SYNPO2: variants seen among roughly 807,000 people sequenced by gnomAD.
The protein encoded by SYNPO2 is synaptopodin-2.
Under a neutral mutation model 85.0 loss-of-function variants are expected in SYNPO2, and 56 were observed. That is an observed-to-expected ratio of 0.66 (90% CI 0.53 to 0.82). The LOEUF is 0.82. Among genes scored for constraint, SYNPO2 ranks in the 40% least tolerant of loss-of-function variants. The probability of loss-of-function intolerance (pLI) is 0.00; values close to 1 mark genes in which losing one functional copy is unlikely to be tolerated. For missense variants in SYNPO2, 1,575 were observed against 1,534.2 expected (o/e 1.03, Z -0.44); for synonymous variants, 602 against 591.1 (o/e 1.02, Z -0.27).
intron 1 of SYNPO2, among the ~76,000 whole-genome samples, chr4:118,899,800 C>A (rs1732659602): frequency 6.6e-6 from 1 of 152,170 alleles, no homozygotes; most frequent in Non-Finnish European, 1.5e-5. Context: ...TCGCTCTTGT[C>A]ACCCAACCTG....
chr4:118,969,471 A>G (rs1056457173), intron 1 of SYNPO2, among the ~76,000 whole-genome samples: 8 of 152,186 alleles, frequency 5.3e-5, no homozygotes, highest in Non-Finnish European at 1.0e-4. Flanking sequence ...CAGTGCTTTC[A>G]CTGCCCTCTG....
At position 119,030,818 on chromosome 4, in the gene SYNPO2, A is replaced by G. The variant is rs759399788; in HGVS notation, c.2043A>G (p.Thr681=). 7 of 1,614,056 alleles carry G rather than the reference A, an allele frequency of 4.3e-6. No homozygotes were observed. Among genetic ancestry groups the G allele is most frequent in the Non-Finnish European group, 5.9e-6 (7 of 1,180,044 alleles). The part of the protein sequence containing the change: ...DERISVPAKR[T]GILQEAKRRS... ...GGATCTCAGTGCCAGCAAAAAGAACAGGAATATTGCAGGAGGCCAAAAGGA... is the reference window on the plus strand; with the variant it reads ...GGATCTCAGTGCCAGCAAAAAGAACGGGAATATTGCAGGAGGCCAAAAGGA... The change falls in exon 4 of 5, where the codon ACA becomes ACG. Residue 681 remains threonine (T), a synonymous_variant. Coordinates refer to ENST00000307142, the MANE Select transcript of SYNPO2 (RefSeq NM_133477.3).
intron 1 of SYNPO2, among the ~76,000 whole-genome samples, chr4:118,986,617 A>G (rs1308562053): frequency 6.6e-6 from 1 of 152,202 alleles, no homozygotes; most frequent in African/African-American, 2.4e-5. Context: ...CATTTCCACT[A>G]TATCTAGTCT....
intron 1 of SYNPO2, among the ~76,000 whole-genome samples, chr4:118,918,736 C>T (rs1018621209): frequency 2.6e-5 from 4 of 152,146 alleles, no homozygotes; most frequent in Non-Finnish European, 4.4e-5. Flanking sequence ...TTAAAAACAA[C>T]TTAGTCCAAA....
chr4:118,916,381 C>G (rs1444300556), intron 1 of SYNPO2, among the ~76,000 whole-genome samples: 1 of 151,958 alleles, frequency 6.6e-6, no homozygotes, highest in Non-Finnish European at 1.5e-5. Context: ...CCATGTTGGC[C>G]AGGCTGGTCT....
intron 1 of SYNPO2, among the ~76,000 whole-genome samples, chr4:118,896,794 T>A (rs11943425): frequency 0.63 from 95,691 of 152,010 alleles, 30,452 homozygotes; most frequent in South Asian, 0.74. Flanking sequence ...GAACAGCAAA[T>A]TGTGGTGGAA....
chr4:119,019,087 G>A (rs1393182628), intron 1 of SYNPO2, among the ~76,000 whole-genome samples: 1 of 152,096 alleles, frequency 6.6e-6, no homozygotes, highest in Non-Finnish European at 1.5e-5. Flanking sequence ...GGAGGGAGAA[G>A]AGCAGAAAAG....
At chr4:118,867,093 C>T (rs1339749058) in intron 1 of SYNPO2, among the ~76,000 whole-genome samples, 1 of 151,890 alleles carries the variant, frequency 6.6e-6, no homozygotes, top group Non-Finnish European at 1.5e-5. Flanking sequence ...ACATTCACAC[C>T]CATTCATTCA....
chr4:118,910,932 G>T (rs567731083), intron 1 of SYNPO2, among the ~76,000 whole-genome samples: 2 of 152,152 alleles, frequency 1.3e-5, no homozygotes, highest in African/African-American at 4.8e-5. Flanking sequence ...TCAATGCCTT[G>T]TGCTGTCAAT....
chr4:118,977,000 G>A lies in SYNPO2; in HGVS notation c.106-46430G>A, dbSNP rs534018821. Among the ~76,000 whole-genome samples, 8 of 152,344 alleles carry A rather than the reference G, an allele frequency of 5.3e-5. No individual in the cohort carries two copies. In the South Asian group the frequency reaches 1.5e-3, roughly 28 times the overall value. Reference sequence around the variant, plus strand: ...CAGCTGGCTTCACCTAGAGGATCCCGCACCGGGGCTGCAGCTGGAGCTGCC... The same window carrying A: ...CAGCTGGCTTCACCTAGAGGATCCCACACCGGGGCTGCAGCTGGAGCTGCC... On this transcript the variant is annotated intron_variant, in intron 1 of 4. Coordinates refer to ENST00000307142, the MANE Select transcript of SYNPO2 (RefSeq NM_133477.3).
intron 4 of SYNPO2, chr4:119,042,189 C>T (rs1738737459): frequency 6.6e-6 from 1 of 152,104 alleles, no homozygotes; most frequent in Non-Finnish European, 1.5e-5. Context: ...CACAGGCAGC[C>T]ATTCTAAAGC....
chr4:118,949,762 A>AAAT (rs1158314972), intron 1 of SYNPO2, among the ~76,000 whole-genome samples: 2 of 152,054 alleles, frequency 1.3e-5, no homozygotes, highest in African/African-American at 4.8e-5. Context: ...AAATAAAATA[A>AAAT]AATAAAATAA....
intron 1 of SYNPO2, among the ~76,000 whole-genome samples, chr4:118,879,817 G>A (rs1024287588): frequency 6.6e-6 from 1 of 152,050 alleles, no homozygotes; most frequent in African/African-American, 2.4e-5. Context: ...ACATGCGTGT[G>A]GCTGAAGAAT....
chr4:118,916,594 T>C (rs1733333605), intron 1 of SYNPO2, among the ~76,000 whole-genome samples: 1 of 152,026 alleles, frequency 6.6e-6, no homozygotes, highest in South Asian at 2.1e-4. Context: ...ATTATTATTT[T>C]AAAATGTTTT....
rs141207060 is a variant in SYNPO2 at position 118,879,155 on chromosome 4, C to T, written c.12+28215C>T. 1.8e-3 allele frequency among the ~76,000 whole-genome samples: 279 copies of T among 152,298 alleles called. 1 individual carries two copies. Among genetic ancestry groups the T allele is most frequent in the African/African-American group, 5.8e-3 (242 of 41,572 alleles). On this transcript the variant is annotated intron_variant, in intron 1 of 4. Transcript: ENST00000610556. ...GGAAGAAACTCCCGACACATCTGAA[C>T]ATCTGAAGGAACAAACTCTGCACAC...
At chr4:118,983,419 G>A (rs145092113) in intron 1 of SYNPO2, among the ~76,000 whole-genome samples, 98 of 151,854 alleles carry the variant, frequency 6.5e-4, no homozygotes, top group African/African-American at 2.1e-3. Context: ...TATTTTCTCC[G>A]GAAACTACCC....
Position 119,057,567 on chromosome 4 carries a change from T to C in SYNPO2, c.3419T>C (p.Leu1140Pro). 1 of 1,613,996 alleles carries C rather than the reference T, an allele frequency of 6.2e-7. No individual in the cohort carries two copies. The highest frequency in any genetic ancestry group is 1.3e-5 in the African/African-American group (1 of 74,990). Reference sequence around the variant, plus strand: ...TGGGAAGCAGCAGCAAAGTCTCCTCTCGGTCTAGTGGATGATGCTTTCCAA... The same window carrying C: ...TGGGAAGCAGCAGCAAAGTCTCCTCCCGGTCTAGTGGATGATGCTTTCCAA... ...TPWEAAAKSP[L>P]GLVDDAFQPR... The change falls in exon 5 of 5, where the codon CTC becomes CCC. Residue 1140 changes from leucine to proline, a missense_variant. By Grantham distance (98) the Leu-to-Pro change is moderately conservative. Around this residue, in one of 3 missense-constraint regions of SYNPO2, gnomAD observed 1,508 missense variants for 1,446.8 expected, o/e 1.04. Transcript: ENST00000307142.
intron 1 of SYNPO2, among the ~76,000 whole-genome samples, chr4:118,959,552 T>C (rs1734999018): frequency 6.6e-6 from 1 of 152,222 alleles, no homozygotes; most frequent in South Asian, 2.1e-4. Context: ...AAAAGATCAC[T>C]GTAAACATTT....
At chr4:119,032,919 A>G in intron 4 of SYNPO2, 1 of 957,874 alleles carries the variant, frequency 1.0e-6, no homozygotes, top group South Asian at 4.8e-5. Context: ...AATTATCTTT[A>G]AAGGTTGATT....
Sources: allele counts gnomAD v4.1 joint callset (sites outside exome capture counted in the v4.1 genomes callset), GRCh38; gene constraint gnomAD v4.1.1; regional missense constraint gnomAD v4.1.1; transcripts MANE v1.5; gene names NCBI Gene and HGNC (gene_info 2026-07-23, HGNC 2026-07-21).